The following POU6F2 variants were observed in gnomAD, a reference collection of about 807,000 sequenced individuals.
POU6F2 encodes the protein POU domain, class 6, transcription factor 2.
A neutral mutation model predicts 71.3 loss-of-function variants in POU6F2; 31 were observed. The ratio of observed to expected loss-of-function variants is 0.43; its 90% CI spans 0.33 to 0.59. The LOEUF (loss-of-function observed/expected upper bound fraction) is 0.59. Among genes scored for constraint, POU6F2 ranks in the 20% least tolerant of loss-of-function variants. The probability of loss-of-function intolerance (pLI) is 0.04; values close to 1 mark genes in which losing one functional copy is unlikely to be tolerated. For synonymous variants in POU6F2, 347 were observed against 355.7 expected (o/e 0.98, Z 0.27); for missense variants, 783 against 856.8 (o/e 0.91, Z 1.07).
At chr7:39,390,615 G>T (rs1787048458) in intron 5 of POU6F2, among the ~76,000 whole-genome samples, 1 of 152,164 alleles carries the variant, frequency 6.6e-6, no homozygotes, top group South Asian at 2.1e-4. Flanking sequence ...CCTTCCTTTA[G>T]CTGTAGTTGA....
At chr7:39,337,433 G>A (rs977559427) in intron 4 of POU6F2, among the ~76,000 whole-genome samples, 1 of 152,166 alleles carries the variant, frequency 6.6e-6, no homozygotes, top group Non-Finnish European at 1.5e-5. Flanking sequence ...AAATACCAGG[G>A]AAGAAAGTAA....
chr7:39,247,799 A>G (rs556663906), intron 4 of POU6F2, among the ~76,000 whole-genome samples: 2 of 152,330 alleles, frequency 1.3e-5, no homozygotes, highest in African/African-American at 4.8e-5. Flanking sequence ...ACAGACTTTT[A>G]AGTTAATGGT....
At position 38,987,724 on chromosome 7, in the gene POU6F2, C is replaced by T. The variant is rs533667994; in HGVS notation, c.105+9666C>T. On this transcript the variant is annotated intron_variant, in intron 1 of 9. Coordinates refer to ENST00000518318, the MANE Select transcript of POU6F2 (RefSeq NM_001370959.1). ...AGAGAATGTAAAAAGTTATGTTTTA[C>T]GTTTCTTTTAGGATATGTCTCTGCT... Among the ~76,000 whole-genome samples, 22 of 152,214 alleles carry T rather than the reference C, an allele frequency of 1.4e-4. No individual in the cohort carries two copies. In the South Asian group the frequency reaches 2.1e-3, roughly 14 times the overall value.
Position 39,207,503 on chromosome 7 carries a change from G to A in POU6F2, c.481G>A (p.Gly161Arg). ...TCCCTTCAACATGGCGGGACAGCTA[G>A]GAGGCCAGCAAGGACTGGTTCTCAC... ...LIPFNMAGQL[G>R]GQQGLVLTLP... Residue 161 changes from glycine (G) to arginine (R), a missense_variant, in exon 4 of 10, where the codon GGA becomes AGA. Coordinates refer to ENST00000518318, the MANE Select transcript of POU6F2 (RefSeq NM_001370959.1). The A allele has an allele frequency of 6.2e-7, 1 of 1,614,026 alleles. No homozygotes were observed. Among genetic ancestry groups the A allele is most frequent in the Non-Finnish European group, 8.5e-7 (1 of 1,179,888 alleles).
chr7:39,173,196 T>A (rs918560284), intron 2 of POU6F2, among the ~76,000 whole-genome samples: 3 of 152,244 alleles, frequency 2.0e-5, no homozygotes, highest in Non-Finnish European at 4.4e-5. Context: ...AACACATATC[T>A]GTTTTCAGTC....
chr7:39,020,932 A>C (rs1562673560), intron 1 of POU6F2, among the ~76,000 whole-genome samples: 1 of 151,840 alleles, frequency 6.6e-6, no homozygotes, highest in Non-Finnish European at 1.5e-5. Context: ...TGCCTATTGT[A>C]TCTTCCAGCA....
Position 39,339,922 on chromosome 7 carries a change from T to A in POU6F2, c.879T>A (p.Ser293=), listed in dbSNP as rs775815947. ...ACTCCCAGAACCAGAACCAACCATC[T>A]CCAACCCAGCAGAGCTCCAGCCCCC... ...HSHSQNQNQP[S]PTQQSSSPPQ... The change falls in exon 5 of 10, where the codon TCT becomes TCA. Residue 293 remains serine, a synonymous_variant. Transcript: ENST00000518318. The A allele has an allele frequency of 1.2e-5, 20 of 1,613,276 alleles. No individual in the cohort carries two copies. The South Asian group carries it at 1.6e-4, about 13-fold the overall frequency.
At chr7:39,292,386 A>C (rs1411630732) in intron 4 of POU6F2, among the ~76,000 whole-genome samples, 1 of 152,196 alleles carries the variant, frequency 6.6e-6, no homozygotes, top group Admixed American at 6.5e-5. Flanking sequence ...AAGAAAGGGC[A>C]GGGAGTCCTG....
At chr7:39,240,538 A>T (rs1453303581) in intron 4 of POU6F2, among the ~76,000 whole-genome samples, 3 of 152,118 alleles carry the variant, frequency 2.0e-5, no homozygotes, top group Non-Finnish European at 4.4e-5. Context: ...AGTTCCTACC[A>T]ATCAACTCAA....
intron 2 of POU6F2, among the ~76,000 whole-genome samples, chr7:39,096,288 T>G (rs1366737266): frequency 1.3e-5 from 2 of 152,130 alleles, no homozygotes; most frequent in Non-Finnish European, 2.9e-5. Flanking sequence ...AAATGGACAT[T>G]AGTTGGAAAA....
At position 39,464,215 on chromosome 7, in the gene POU6F2, A is replaced by G. The variant is rs965370293; in HGVS notation, c.1692A>G (p.Pro564=). The G allele has an allele frequency of 2.5e-6, 4 of 1,613,616 alleles. No homozygotes were observed. Among genetic ancestry groups the G allele is most frequent in the Non-Finnish European group, 3.4e-6 (4 of 1,179,780 alleles). ...HTILRSHFFL[P]QEAQENTIAS... is the part of the protein sequence containing the mutation. ...TCCTGAGAAGCCACTTTTTCCTACCACAGGAAGCCCAAGAGAACACTATAG... is the reference window on the plus strand; with the variant it reads ...TCCTGAGAAGCCACTTTTTCCTACCGCAGGAAGCCCAAGAGAACACTATAG... Residue 564 remains proline (P), a synonymous_variant, in exon 10 of 10, where the codon CCA becomes CCG. Coordinates refer to ENST00000518318, the MANE Select transcript of POU6F2 (RefSeq NM_001370959.1). The surrounding 1 kb of genome is among the most constrained non-coding windows in gnomAD (Gnocchi z 4.1).
At chr7:39,206,710 G>A (rs2128745769) in intron 3 of POU6F2, among the ~76,000 whole-genome samples, 1 of 152,088 alleles carries the variant, frequency 6.6e-6, no homozygotes, top group East Asian at 1.9e-4. Context: ...ACTGTAATAA[G>A]CTATTTTCAA....
intron 4 of POU6F2, among the ~76,000 whole-genome samples, chr7:39,283,054 A>G (rs1784588045): frequency 6.6e-6 from 1 of 151,942 alleles, no homozygotes; most frequent in Non-Finnish European, 1.5e-5. Flanking sequence ...TGTTAACGGG[A>G]TTGCTTTCTT....
intron 6 of POU6F2, among the ~76,000 whole-genome samples, chr7:39,420,057 C>T (rs960145505): frequency 2.0e-5 from 3 of 152,162 alleles, no homozygotes; most frequent in African/African-American, 7.2e-5. Flanking sequence ...AAAACATTCC[C>T]ATCTGCCTTC....
intron 4 of POU6F2, among the ~76,000 whole-genome samples, chr7:39,313,329 G>A (rs1785203168): frequency 6.6e-6 from 1 of 151,782 alleles, no homozygotes. Flanking sequence ...GACCTTCCTT[G>A]CTGCCTTACC....
intron 1 of POU6F2, among the ~76,000 whole-genome samples, chr7:39,027,656 C>T (rs916614813): frequency 2.0e-5 from 3 of 152,182 alleles, no homozygotes; most frequent in African/African-American, 4.8e-5. Context: ...GTATAAACTT[C>T]GTAACATTGC....
At chr7:39,344,257 A>T (rs567059860) in intron 5 of POU6F2, among the ~76,000 whole-genome samples, 46 of 152,256 alleles carry the variant, frequency 3.0e-4, no homozygotes, top group African/African-American at 1.1e-3. Flanking sequence ...ATCTGTGCTT[A>T]TATGAGGAAT....
intron 4 of POU6F2, among the ~76,000 whole-genome samples, chr7:39,284,152 A>T (rs1784612366): frequency 6.6e-6 from 1 of 152,186 alleles, no homozygotes; most frequent in Admixed American, 6.5e-5. Flanking sequence ...AATTTTTCTG[A>T]TGTACACATG....
intron 2 of POU6F2, among the ~76,000 whole-genome samples, chr7:39,146,507 G>C (rs1792629575): frequency 6.6e-6 from 1 of 152,172 alleles, no homozygotes; most frequent in South Asian, 2.1e-4. Context: ...ATGAAGTTCT[G>C]GGTAAGGTGA....
Sources: gnomAD v4.1 joint callset for allele counts (sites outside exome capture counted in the v4.1 genomes callset) on GRCh38, gnomAD v4.1.1 for gene constraint, Gnocchi (gnomAD v3.1) non-coding constraint, MANE v1.5 for transcripts, NCBI Gene and HGNC (gene_info 2026-07-23, HGNC 2026-07-21) for gene names.